Variants in PKIG observed in about 807,000 individuals in gnomAD.
PKIG encodes protein kinase (cAMP-dependent, catalytic) inhibitor gamma.
A neutral mutation model predicts 6.8 loss-of-function variants in PKIG; 1 was observed. The observed-to-expected ratio is 0.15, with a 90% CI of 0.05 to 0.69. The LOEUF is 0.69. Among genes scored for constraint, PKIG ranks in the 30% least tolerant of loss-of-function variants. The probability of loss-of-function intolerance (pLI) is 0.82; values close to 1 mark genes in which losing one functional copy is unlikely to be tolerated. For synonymous variants in PKIG, 39 were observed against 43.0 expected, an observed-to-expected ratio of 0.91 and a Z score of 0.36; for missense variants, 77 against 104.0, an observed-to-expected ratio of 0.74 and a Z score of 1.13.
Position 44,614,012 on chromosome 20 carries a change from C to T in PKIG, c.-23-522C>T, listed in dbSNP as rs2065241921. Among the ~76,000 whole-genome samples the T allele has an allele frequency of 1.3e-5, 2 of 152,206 alleles. No homozygotes were observed. The highest frequency in any genetic ancestry group is 4.8e-5 in the African/African-American group (2 of 41,450). ...CCCCTCTCTGTAGTGCTCTTCCCCT[C>T]ACTCTTCATCTGCATGACGCCTCGT... On this transcript the variant is annotated intron_variant, in intron 2 of 3. Coordinates refer to ENST00000372886, the MANE Select transcript of PKIG (RefSeq NM_001281445.2). This position sits in a 1 kb window ranked among gnomAD's most constrained non-coding sequence, Gnocchi z 4.6.
chr20:44,538,349 GA>G (rs2064531584), intron 1 of PKIG, among the ~76,000 whole-genome samples: 1 of 152,202 alleles, frequency 6.6e-6, no homozygotes, highest in Non-Finnish European at 1.5e-5. Context: ...GAAAATTGAA[GA>G]TCAGAGGATG....
intron 1 of PKIG, among the ~76,000 whole-genome samples, chr20:44,558,574 T>TTTTCTTTTTTCTTTC (rs1555835147): frequency 7.6e-6 from 1 of 131,900 alleles, no homozygotes; most frequent in Non-Finnish European, 1.6e-5. Flanking sequence ...TTTTTTTCTT[T>TTTTCTTTTTTCTTTC]TTTCTTTCTT....
chr20:44,613,168 A>AT (rs1305534879), intron 2 of PKIG, among the ~76,000 whole-genome samples: 1 of 151,864 alleles, frequency 6.6e-6, no homozygotes, highest in African/African-American at 2.4e-5. Flanking sequence ...CTACTAATTT[A>AT]TTTTTTCTTT....
chr20:44,548,113 A>C (rs965472239), intron 1 of PKIG, among the ~76,000 whole-genome samples: 6 of 152,116 alleles, frequency 3.9e-5, no homozygotes, highest in African/African-American at 1.4e-4. Flanking sequence ...TGGGAGGTGG[A>C]GGTTGCAGTG....
intron 1 of PKIG, among the ~76,000 whole-genome samples, chr20:44,534,140 A>T (rs763925448): frequency 2.0e-4 from 31 of 152,164 alleles, no homozygotes; most frequent in Non-Finnish European, 4.1e-4. Context: ...TTTTTTGAGC[A>T]TGAGAGAGAT....
In PKIG at chr20:44,614,545, G is replaced by A. The variant is rs562265461; in HGVS notation, c.-12G>A. 3.1e-6 allele frequency: 5 copies of A among 1,613,300 alleles called. No homozygotes were observed. Among genetic ancestry groups the A allele is most frequent in the East Asian group, 2.2e-5 (1 of 44,876 alleles). ...TTCTGTCCCCACAGGCCTGAGGAGC[G>A]ATGCGACAGGCATGATGGAGGTCGA... On this transcript the variant is annotated 5_prime_UTR_variant, in exon 3 of 4. Transcript: ENST00000372886. The surrounding 1 kb of genome is among the most constrained non-coding windows in gnomAD (Gnocchi z 4.6).
chr20:44,583,526 G>C (rs2064965265), intron 1 of PKIG, among the ~76,000 whole-genome samples: 1 of 152,114 alleles, frequency 6.6e-6, no homozygotes, highest in Non-Finnish European at 1.5e-5. Context: ...TAGGTGGCTT[G>C]AGATGGCTTG....
intron 1 of PKIG, among the ~76,000 whole-genome samples, chr20:44,544,598 A>G (rs1442676249): frequency 1.3e-5 from 2 of 152,202 alleles, no homozygotes; most frequent in Non-Finnish European, 2.9e-5. Context: ...GGCAGGAAGA[A>G]GTAGGAAAGG....
intron 1 of PKIG, among the ~76,000 whole-genome samples, chr20:44,572,380 G>T (rs2064861308): frequency 6.6e-6 from 1 of 152,108 alleles, no homozygotes; most frequent in South Asian, 2.1e-4. Flanking sequence ...TATTTTTATA[G>T]AATATACATG....
At chr20:44,551,176 C>T (rs1463840791) in intron 1 of PKIG, among the ~76,000 whole-genome samples, 1 of 152,112 alleles carries the variant, frequency 6.6e-6, no homozygotes, top group Non-Finnish European at 1.5e-5. Context: ...GCCTCAGCCT[C>T]CCCAGCAGCT....
chr20:44,569,677 G>T (rs2064838679), intron 1 of PKIG, among the ~76,000 whole-genome samples: 1 of 152,060 alleles, frequency 6.6e-6, no homozygotes, highest in African/African-American at 2.4e-5. Flanking sequence ...CGCGATCTCG[G>T]CTCACTGCAA....
In PKIG at chr20:44,614,806, G is replaced by A; in HGVS notation, c.151+99G>A. 8.0e-7 allele frequency: 1 copy of A among 1,256,992 alleles called. No individual in the cohort carries two copies. The highest frequency in any genetic ancestry group is 2.4e-5 in the East Asian group (1 of 41,148). The allele number at this position is 1,256,992 out of a possible 1,614,324, so 77.9% of individuals were successfully genotyped here. A position where few individuals can be genotyped will look rare whatever the true frequency, so the allele number is the denominator to read the frequency against. ...CCTAGACTGCCCATACTTTCTTAGA[G>A]AAGAAACCACATTTAAGTCAGGCCT... is the stretch of plus-strand genomic sequence containing the variant. On this transcript the variant is annotated intron_variant, in intron 3 of 3. Transcript: ENST00000372886. The surrounding 1 kb of genome is among the most constrained non-coding windows in gnomAD (Gnocchi z 4.6).
intron 1 of PKIG, among the ~76,000 whole-genome samples, chr20:44,535,913 C>T (rs917379517): frequency 3.9e-5 from 6 of 152,184 alleles, no homozygotes; most frequent in Non-Finnish European, 5.9e-5. Flanking sequence ...ACTTTTTCAT[C>T]TTGCAAAAGT....
intron 1 of PKIG, among the ~76,000 whole-genome samples, chr20:44,556,448 T>C (rs2064713943): frequency 6.6e-6 from 1 of 152,236 alleles, no homozygotes; most frequent in African/African-American, 2.4e-5. Flanking sequence ...CTGCAACCTC[T>C]GCCTCCTGGG....
chr20:44,554,460 C>A (rs2064696374), intron 1 of PKIG, among the ~76,000 whole-genome samples: 1 of 152,152 alleles, frequency 6.6e-6, no homozygotes, highest in South Asian at 2.1e-4. Flanking sequence ...GTAACCAACA[C>A]CCCATTTTGA....
At chr20:44,599,536 A>G (rs2065102935) in intron 2 of PKIG, among the ~76,000 whole-genome samples, 1 of 152,130 alleles carries the variant, frequency 6.6e-6, no homozygotes, top group Non-Finnish European at 1.5e-5. Context: ...ATCCTGGCCA[A>G]CATGGTGAAA....
chr20:44,592,788 G>A (rs1463006596), intron 2 of PKIG, among the ~76,000 whole-genome samples: 1 of 152,162 alleles, frequency 6.6e-6, no homozygotes, highest in Non-Finnish European at 1.5e-5. Context: ...AGTTCAGCCT[G>A]TTCTGGAAAG....
At chr20:44,548,960 G>A (rs758868503) in intron 1 of PKIG, among the ~76,000 whole-genome samples, 7 of 151,616 alleles carry the variant, frequency 4.6e-5, no homozygotes, top group Non-Finnish European at 1.0e-4. Flanking sequence ...AAATATCCCT[G>A]ATGGTTTTAA....
chr20:44,603,903 A>G (rs1030523821), intron 2 of PKIG, among the ~76,000 whole-genome samples: 1 of 152,224 alleles, frequency 6.6e-6, no homozygotes, highest in African/African-American at 2.4e-5. Flanking sequence ...GTGTCAATAT[A>G]CATAAATGGA....
Sources: allele counts gnomAD v4.1 joint callset (sites outside exome capture counted in the v4.1 genomes callset), GRCh38; gene constraint gnomAD v4.1.1; non-coding constraint Gnocchi (gnomAD v3.1); transcripts MANE v1.5; gene names NCBI Gene and HGNC (gene_info 2026-07-23, HGNC 2026-07-21).